Variants in HAPLN1 observed in about 807,000 individuals in gnomAD.
HAPLN1 encodes the protein hyaluronan and proteoglycan link protein 1.
HAPLN1 carries 13 observed loss-of-function variants against 36.5 expected under a neutral mutation model. That is an observed-to-expected ratio of 0.36 (90% CI 0.23 to 0.57). The LOEUF (loss-of-function observed/expected upper bound fraction) is 0.57, where lower values mean the gene tolerates loss of function less well. HAPLN1 is among the 20% of genes least tolerant of loss of function. The probability of loss-of-function intolerance (pLI) is 0.83; values close to 1 mark genes in which losing one functional copy is unlikely to be tolerated. For missense variants in HAPLN1, 407 were observed against 439.7 expected (o/e 0.93, Z 0.66); for synonymous variants, 202 against 169.8 (o/e 1.19, Z -1.48).
chr5:83,716,738 A>C (rs766204941), intron 1 of HAPLN1, among the ~76,000 whole-genome samples: 5 of 152,160 alleles, frequency 3.3e-5, no homozygotes, highest in Non-Finnish European at 7.3e-5. Context: ...ATGGCAGAAA[A>C]CTTTAAAAGA....
intron 1 of HAPLN1, among the ~76,000 whole-genome samples, chr5:83,714,288 A>G (rs1004152006): frequency 2.6e-5 from 4 of 152,198 alleles, no homozygotes; most frequent in African/African-American, 7.2e-5. Context: ...CTGTGAGCAC[A>G]TCTTTATGTT....
intron 4 of HAPLN1, among the ~76,000 whole-genome samples, chr5:83,642,868 G>A (rs907706873): frequency 2.0e-5 from 3 of 152,152 alleles, no homozygotes; most frequent in Non-Finnish European, 4.4e-5. Context: ...CCTCCTACCT[G>A]TTTTTGTAAA....
At chr5:83,647,096 A>G (rs185650897) in intron 3 of HAPLN1, among the ~76,000 whole-genome samples, 2 of 152,316 alleles carry the variant, frequency 1.3e-5, no homozygotes, top group Admixed American at 1.3e-4. Context: ...GTGGACTCTC[A>G]TAAACATCGG....
chr5:83,646,144 A>G (rs1283983705), intron 3 of HAPLN1, among the ~76,000 whole-genome samples: 2 of 152,248 alleles, frequency 1.3e-5, no homozygotes, highest in East Asian at 3.8e-4. Flanking sequence ...GGATTACCAC[A>G]TAAGAAAGCA....
At chr5:83,695,250 C>T (rs1486649515) in intron 1 of HAPLN1, among the ~76,000 whole-genome samples, 1 of 152,016 alleles carries the variant, frequency 6.6e-6, no homozygotes, top group African/African-American at 2.4e-5. Context: ...CTCAGCCTCC[C>T]GAGTAGCTGG....
intron 3 of HAPLN1, chr5:83,652,215 C>T (rs900909852): frequency 6.9e-6 from 3 of 435,148 alleles, no homozygotes; most frequent in African/African-American, 6.1e-5. Context: ...TTCAGTTCCA[C>T]TGCACGTTTC....
In HAPLN1 at chr5:83,695,199, C is replaced by T. The variant is rs1424355194; in HGVS notation, c.-26-21650G>A. The stretch of plus-strand genomic sequence containing the variant: ...GGGGTGCAGTGGCGCAATCTCGGCT[C>T]ACTGCAACTTCTGCCTCCTGGGTTC... On this transcript the variant is annotated intron_variant, in intron 1 of 4. Coordinates refer to ENST00000274341, the MANE Select transcript of HAPLN1 (RefSeq NM_001884.4). Among the ~76,000 whole-genome samples, 5 of 152,282 alleles carry T rather than the reference C, an allele frequency of 3.3e-5. 1 individual carries two copies. In the East Asian group the frequency reaches 9.7e-4, roughly 29 times the overall value.
chr5:83,663,625 C>T (rs1365677665), intron 2 of HAPLN1, among the ~76,000 whole-genome samples: 1 of 152,112 alleles, frequency 6.6e-6, no homozygotes, highest in Non-Finnish European at 1.5e-5. Context: ...AAATAACTAA[C>T]TTGAGTCCCT....
intron 1 of HAPLN1, among the ~76,000 whole-genome samples, chr5:83,674,970 T>C (rs1259557349): frequency 6.6e-6 from 1 of 152,212 alleles, no homozygotes; most frequent in East Asian, 1.9e-4. Context: ...AGATGGTAGA[T>C]AAGCAAACAA....
At chr5:83,670,269 G>C (rs971285262) in intron 2 of HAPLN1, among the ~76,000 whole-genome samples, 1 of 152,070 alleles carries the variant, frequency 6.6e-6, no homozygotes, top group Non-Finnish European at 1.5e-5. Context: ...AAGTTTCAAA[G>C]GATTTAAAAG....
At chr5:83,641,884 A>T in intron 4 of HAPLN1, 99 bp from the exon 5 acceptor site, 2 of 1,210,134 alleles carry the variant, frequency 1.7e-6, no homozygotes, top group Non-Finnish European at 2.3e-6. Context: ...ATGAAGGGGG[A>T]TATAGAGCAA....
intron 1 of HAPLN1, among the ~76,000 whole-genome samples, chr5:83,676,165 T>TGCACACATACACAGAGATAC (rs1750855251): frequency 1.4e-5 from 2 of 142,078 alleles, no homozygotes; most frequent in Non-Finnish European, 3.0e-5. Flanking sequence ...CACAGAGATA[T>TGCACACATACACAGAGATAC]GCACACATAC....
chr5:83,678,217 TTGGGTGTG>T (rs1303939531), intron 1 of HAPLN1, among the ~76,000 whole-genome samples: 1,356 of 30,990 alleles, frequency 0.044, 21 homozygotes, highest in African/African-American at 0.13. Context: ...TATCTATAGT[TTGGGTGTG>T]TGTGTGTGTG....
chr5:83,641,850 A>G (rs1166988092), intron 4 of HAPLN1, 65 bp from the exon 5 acceptor site: 1 of 1,503,328 alleles, frequency 6.7e-7, no homozygotes, highest in Non-Finnish European at 9.0e-7. Flanking sequence ...AGATAGAAAG[A>G]GCCAAAAACG....
At chr5:83,648,701 CT>C (rs920602139) in intron 3 of HAPLN1, among the ~76,000 whole-genome samples, 29 of 152,060 alleles carry the variant, frequency 1.9e-4, no homozygotes, top group African/African-American at 7.0e-4. Context: ...TTCCCTGGCC[CT>C]TTGGTGCATG....
At chr5:83,672,853 T>A (rs530043348) in intron 2 of HAPLN1, among the ~76,000 whole-genome samples, 1 of 152,332 alleles carries the variant, frequency 6.6e-6, no homozygotes, top group South Asian at 2.1e-4. Flanking sequence ...AATAGCTGCA[T>A]TGTACTGCAG....
intron 1 of HAPLN1, among the ~76,000 whole-genome samples, chr5:83,706,769 TAGGAAGAG>T (rs1273137112): frequency 6.6e-6 from 1 of 152,146 alleles, no homozygotes; most frequent in Non-Finnish European, 1.5e-5. Flanking sequence ...GGAATCCAAA[TAGGAAGAG>T]AGGAAGTCAA....
chr5:83,673,854 C>A, intron 1 of HAPLN1: 1 of 250,516 alleles, frequency 4.0e-6, no homozygotes, highest in Non-Finnish European at 7.6e-6. Flanking sequence ...AGAGATGTGG[C>A]AAAAACATAC....
chr5:83,671,627 G>A (rs1015928851), intron 2 of HAPLN1, among the ~76,000 whole-genome samples: 2 of 152,240 alleles, frequency 1.3e-5, no homozygotes, highest in African/African-American at 4.8e-5. Context: ...TATGGGATTT[G>A]AAAATTCAAT....
Sources: gnomAD v4.1 joint callset for allele counts (sites outside exome capture counted in the v4.1 genomes callset) on GRCh38, gnomAD v4.1.1 for gene constraint, MANE v1.5 for transcripts, NCBI Gene and HGNC (gene_info 2026-07-23, HGNC 2026-07-21) for gene names.